ZFR: variants seen among roughly 807,000 people sequenced by gnomAD.
ZFR encodes zinc finger RNA-binding protein.
A neutral mutation model predicts 130.7 loss-of-function variants in ZFR; 19 were observed. The observed-to-expected ratio is 0.15, with a 90% CI of 0.10 to 0.21. The LOEUF (loss-of-function observed/expected upper bound fraction) is 0.21. Among genes scored for constraint, ZFR ranks in the 10% least tolerant of loss-of-function variants. The pLI is 1.00. For missense variants in ZFR, 872 were observed against 1,321.5 expected (o/e 0.66, Z 5.27); for synonymous variants, 466 against 456.9 (o/e 1.02, Z -0.25).
At chr5:32,364,312 C>A in intron 17 of ZFR, 37 bp from the exon 18 acceptor site, 2 of 1,471,642 alleles carry the variant, frequency 1.4e-6, no homozygotes, top group South Asian at 1.3e-5. Context: ...TAACAGCTTA[C>A]CAAAGGAATT....
intron 17 of ZFR, chr5:32,365,003 T>A (rs1047031087): frequency 1.3e-5 from 2 of 152,186 alleles, no homozygotes; most frequent in African/African-American, 4.8e-5. Context: ...TTCTCCATTC[T>A]CCCTTTCTTT....
intron 4 of ZFR, among the ~76,000 whole-genome samples, chr5:32,415,485 A>AGT (rs3065262): frequency 0.24 from 32,397 of 135,890 alleles, 4,160 homozygotes; most frequent in Middle Eastern, 0.34. Context: ...TCTGAAAAGG[A>AGT]GTGTGTGTGT....
rs185268351 is a variant in ZFR at position 32,416,483 on chromosome 5, G to A, written c.565+1165C>T. On this transcript the variant is annotated intron_variant, in intron 4 of 19. Transcript: ENST00000265069. ...TACAGAATTAGCTGGGCATGGTGGCGCATGCCTGTAATCCCAGCTACTTGA... is the reference window on the plus strand; with the variant it reads ...TACAGAATTAGCTGGGCATGGTGGCACATGCCTGTAATCCCAGCTACTTGA... 3.6e-4 allele frequency among the ~76,000 whole-genome samples: 54 copies of A among 152,094 alleles called. 1 individual carries two copies. The highest frequency in any genetic ancestry group is 1.2e-3 in the African/African-American group (50 of 41,504).
chr5:32,389,459 T>C (rs751658133), intron 12 of ZFR, among the ~76,000 whole-genome samples: 1 of 152,190 alleles, frequency 6.6e-6, no homozygotes, highest in African/African-American at 2.4e-5. Flanking sequence ...ACTGGGATTA[T>C]AGGCATGAGC....
intron 15 of ZFR, among the ~76,000 whole-genome samples, chr5:32,380,727 CA>C (rs937087025): frequency 1.4e-5 from 2 of 141,122 alleles, no homozygotes; most frequent in Non-Finnish European, 3.0e-5. Context: ...CAGATCACTG[CA>C]ACCTCGGCCT....
chr5:32,415,500 G>GTGTGTT (rs1211045174), intron 4 of ZFR, among the ~76,000 whole-genome samples: 1 of 103,258 alleles, frequency 9.7e-6, no homozygotes, highest in Non-Finnish European at 2.0e-5. Context: ...GTGTGTGTGT[G>GTGTGTT]TGTGTGTGTG....
rs867199202 is a variant in ZFR, at chr5:32,377,174, A to T, written c.2835+1941T>A. On this transcript the variant is annotated intron_variant, in intron 17 of 19. Coordinates refer to ENST00000265069, the MANE Select transcript of ZFR (RefSeq NM_016107.5). Reference sequence around the variant, plus strand: ...CCATCTGAAAAAAAAAAAAAAAAAAAAAAAAAGTGGTAACTTTCCTTCTCT... The same window carrying T: ...CCATCTGAAAAAAAAAAAAAAAAAATAAAAAAGTGGTAACTTTCCTTCTCT... Among the ~76,000 whole-genome samples, 347 of 151,256 alleles carry T rather than the reference A, an allele frequency of 2.3e-3. 5 individuals are homozygous for T. Among genetic ancestry groups the T allele is most frequent in the Middle Eastern group, 7.0e-3 (2 of 286 alleles).
At chr5:32,368,151 G>C (rs184178406) in intron 17 of ZFR, among the ~76,000 whole-genome samples, 1 of 152,324 alleles carries the variant, frequency 6.6e-6, no homozygotes, top group Admixed American at 6.5e-5. Flanking sequence ...CACCTGATGA[G>C]ATTTCAGTAA....
chr5:32,424,979 C>G (rs1380627022), intron 2 of ZFR, among the ~76,000 whole-genome samples: 1 of 152,060 alleles, frequency 6.6e-6, no homozygotes, highest in East Asian at 1.9e-4. Flanking sequence ...CATATACTGT[C>G]TAGCTTTGAT....
At chr5:32,393,189 T>A (rs1753220362) in intron 11 of ZFR, among the ~76,000 whole-genome samples, 1 of 152,186 alleles carries the variant, frequency 6.6e-6, no homozygotes, top group Non-Finnish European at 1.5e-5. Context: ...TAGCATAACT[T>A]TTCCCACTAT....
chr5:32,398,088 C>T (rs1414741589), intron 9 of ZFR, among the ~76,000 whole-genome samples: 1 of 151,532 alleles, frequency 6.6e-6, no homozygotes, highest in Non-Finnish European at 1.5e-5. Context: ...GATCTCCTGA[C>T]CTCGTGATCC....
chr5:32,363,215 A>G (rs1020705308), intron 19 of ZFR, among the ~76,000 whole-genome samples: 7 of 152,214 alleles, frequency 4.6e-5, no homozygotes, highest in African/African-American at 1.7e-4. Context: ...CATAGCTAGT[A>G]TGCTTTTTTC....
Position 32,390,282 on chromosome 5 carries a change from C to A in ZFR, c.2135G>T (p.Gly712Val). ...VRPGMPPQPQ[G>V]PAPLRRPDSS... ...ACCAACGTGGACACTCACTGCAGGCCCCTGAGGCTGAGGAGGCATGCCTGG... is the reference window on the plus strand; with the variant it reads ...ACCAACGTGGACACTCACTGCAGGCACCTGAGGCTGAGGAGGCATGCCTGG... Residue 712 changes from glycine (G) to valine (V), a missense_variant, in exon 12 of 20, where the codon GGG becomes GTG. Physicochemically the swap from Gly to Val is moderately radical, Grantham distance 109 (BLOSUM62 -3). Around this residue, in one of 7 missense-constraint regions of ZFR, gnomAD observed 225 missense variants for 282.4 expected, o/e 0.80. Transcript: ENST00000265069. 2 of 1,613,332 alleles carry A rather than the reference C, an allele frequency of 1.2e-6. No homozygotes were observed. The highest frequency in any genetic ancestry group is 1.7e-6 in the Non-Finnish European group (2 of 1,179,354).
chr5:32,390,664 C>G (rs762244592), intron 11 of ZFR, among the ~76,000 whole-genome samples: 22 of 152,152 alleles, frequency 1.4e-4, no homozygotes, highest in Non-Finnish European at 2.8e-4. Context: ...GTAAAAAGAA[C>G]AGGCATCAGA....
At chr5:32,385,474 T>C in intron 15 of ZFR, 34 bp downstream of exon 15, 1 of 1,604,892 alleles carries the variant, frequency 6.2e-7, no homozygotes, top group East Asian at 2.2e-5. Context: ...AAAAAAAAGT[T>C]AATAGAAAGT....
intron 17 of ZFR, among the ~76,000 whole-genome samples, chr5:32,374,859 AG>A (rs1752762708): frequency 6.6e-6 from 1 of 152,318 alleles, no homozygotes; most frequent in African/African-American, 2.4e-5. Context: ...TTCCCTTAAA[AG>A]GAATTGGGAA....
rs780155712 is a variant in ZFR at position 32,387,686 on chromosome 5, C to T, written c.2362G>A (p.Val788Ile). The T allele has an allele frequency of 4.3e-6, 7 of 1,610,974 alleles. No homozygotes were observed. Among genetic ancestry groups the T allele is most frequent in the Non-Finnish European group, 5.9e-6 (7 of 1,178,338 alleles). ...EGGKDRALKG[V>I]LRVGVLAKGL... is the part of the protein sequence containing the mutation. The stretch of plus-strand genomic sequence containing the variant: ...TTTGCCAATACTCCCACTCGCAAAA[C>T]TCCTTTCAAAGCTCTGCAGTAAAAT... Residue 788 changes from valine (V) to isoleucine (I), a missense_variant, in exon 14 of 20, where the codon GTT (valine) becomes ATT (isoleucine). Around this residue, in one of 7 missense-constraint regions of ZFR, gnomAD observed 225 missense variants for 282.4 expected, o/e 0.80. Transcript: ENST00000265069.
intron 5 of ZFR, among the ~76,000 whole-genome samples, chr5:32,412,430 T>C (rs34085561): frequency 0.27 from 40,887 of 152,118 alleles, 6,472 homozygotes; most frequent in Middle Eastern, 0.44. Context: ...GGAACTGTTC[T>C]ACATTAAAGC....
intron 9 of ZFR, among the ~76,000 whole-genome samples, chr5:32,399,132 G>A (rs966357474): frequency 6.6e-6 from 1 of 151,874 alleles, no homozygotes; most frequent in African/African-American, 2.4e-5. Flanking sequence ...AAAATCAGCT[G>A]GGGGTGGTGG....
Sources: allele counts gnomAD v4.1 joint callset (sites outside exome capture counted in the v4.1 genomes callset), GRCh38; gene constraint gnomAD v4.1.1; regional missense constraint gnomAD v4.1.1; transcripts MANE v1.5; gene names NCBI Gene and HGNC (gene_info 2026-07-23, HGNC 2026-07-21).